PATJ: variants seen among roughly 807,000 people sequenced by gnomAD.
The protein encoded by PATJ is PATJ crumbs cell polarity complex component, also known as inaD-like protein.
A neutral mutation model predicts 224.9 loss-of-function variants in PATJ; 190 were observed. The ratio of observed to expected loss-of-function variants is 0.84; its 90% CI spans 0.75 to 0.95. The LOEUF is 0.95. Among genes scored for constraint, PATJ ranks in the 40% least tolerant of loss-of-function variants. The pLI is 0.00. For synonymous variants in PATJ, 769 were observed against 820.3 expected (o/e 0.94, Z 1.07); for missense variants, 2,121 against 2,270.3 (o/e 0.93, Z 1.34).
intron 7 of PATJ, among the ~76,000 whole-genome samples, chr1:61,787,074 A>G (rs538772144): frequency 1.3e-5 from 2 of 152,268 alleles, no homozygotes; most frequent in Admixed American, 1.3e-4. Flanking sequence ...AACACACCCA[A>G]GCTATTGTGG....
intron 43 of PATJ, among the ~76,000 whole-genome samples, chr1:62,160,115 G>A (rs1466895028): frequency 6.6e-6 from 1 of 151,966 alleles, no homozygotes; most frequent in Admixed American, 6.6e-5. Context: ...CCCTACAGAT[G>A]GTGAAACCTC....
At chr1:61,838,416 G>A (rs1375469922) in intron 17 of PATJ, among the ~76,000 whole-genome samples, 3 of 151,220 alleles carry the variant, frequency 2.0e-5, no homozygotes, top group Admixed American at 1.3e-4. Flanking sequence ...GTGCAGTGGC[G>A]CGATCTCAGC....
chr1:61,904,201 G>A (rs1011346389), intron 24 of PATJ, among the ~76,000 whole-genome samples: 2 of 151,940 alleles, frequency 1.3e-5, no homozygotes, highest in Non-Finnish European at 2.9e-5. Context: ...TAAGTGAGAC[G>A]AATTCACTTT....
chr1:62,115,246 G>A (rs147081651), intron 35 of PATJ, among the ~76,000 whole-genome samples: 1,799 of 152,196 alleles, frequency 0.012, 28 homozygotes, highest in African/African-American at 0.041. Flanking sequence ...GGAGGTGGAG[G>A]TTGCAGTGAG....
chr1:61,979,656 G>GAAAAAA (rs3060965), intron 27 of PATJ, among the ~76,000 whole-genome samples: 1 of 137,124 alleles, frequency 7.3e-6, no homozygotes, highest in Non-Finnish European at 1.6e-5. Context: ...CGTCTCAAAA[G>GAAAAAA]AAAAAAAAAA....
intron 41 of PATJ, among the ~76,000 whole-genome samples, chr1:62,130,928 G>C (rs954065820): frequency 2.0e-5 from 3 of 152,138 alleles, no homozygotes; most frequent in Non-Finnish European, 4.4e-5. Flanking sequence ...TAAGTCCAAA[G>C]TGTCCAGACA....
At chr1:61,941,684 T>C (rs949107509) in intron 27 of PATJ, among the ~76,000 whole-genome samples, 10 of 152,110 alleles carry the variant, frequency 6.6e-5, no homozygotes, top group Non-Finnish European at 1.5e-4. Flanking sequence ...AAAAGTTAAT[T>C]CTCTTAATAG....
At chr1:62,149,102 T>TG (rs953207696) in intron 42 of PATJ, among the ~76,000 whole-genome samples, 1 of 131,984 alleles carries the variant, frequency 7.6e-6, no homozygotes, top group Non-Finnish European at 1.6e-5. Flanking sequence ...CACTCCAGCC[T>TG]GGGCAACAAG....
In PATJ at chr1:62,081,277, T is replaced by C. The variant is rs182555378; in HGVS notation, c.4243+1710T>C. Among the ~76,000 whole-genome samples the C allele has an allele frequency of 1.4e-4, 22 of 152,260 alleles. 1 individual carries two copies. The highest frequency in any genetic ancestry group is 6.5e-4 in the Admixed American group (10 of 15,284). ...CATGGTTAAATAATAAATAAACAAA[T>C]AAATAAATAAATGAAGTTCATCATC... On this transcript the variant is annotated intron_variant, in intron 32 of 43. Transcript: ENST00000642238.
At chr1:62,099,347 CTTTTTTTTTT>C (rs71050197) in intron 33 of PATJ, among the ~76,000 whole-genome samples, 6 of 55,676 alleles carry the variant, frequency 1.1e-4, no homozygotes, top group Admixed American at 2.1e-4. Context: ...ATATCTCCAA[CTTTTTTTTTT>C]TTTTTTTTTT....
At chr1:62,126,945 G>C (rs1290496750) in intron 39 of PATJ, among the ~76,000 whole-genome samples, 2 of 152,134 alleles carry the variant, frequency 1.3e-5, no homozygotes, top group Non-Finnish European at 2.9e-5. Flanking sequence ...GACCAACACT[G>C]TCAGGTATGT....
chr1:62,148,276 T>A lies in PATJ; in HGVS notation c.5272-8T>A, dbSNP rs1304815534. 1 of 1,603,952 alleles carries A rather than the reference T, an allele frequency of 6.2e-7. No individual in the cohort carries two copies. The highest frequency in any genetic ancestry group is 8.5e-7 in the Non-Finnish European group (1 of 1,170,904). On this transcript the variant is annotated splice_polypyrimidine_tract_variant and splice_region_variant and intron_variant, in intron 41 of 43. Transcript: ENST00000642238. The stretch of plus-strand genomic sequence containing the variant: ...TAATGAAATACCTTTTTTTCACTTT[T>A]TCCCCAGGTTGTAGCAGATACCAAT...
At chr1:62,148,186 A>G (rs1668262114) in intron 41 of PATJ, 98 bp from the exon 42 acceptor site, 4 of 728,552 alleles carry the variant, frequency 5.5e-6, no homozygotes, top group South Asian at 1.7e-5. Flanking sequence ...GATAAATTGA[A>G]TAAGATTAGG....
At chr1:62,160,000 G>A (rs1418716612) in intron 43 of PATJ, among the ~76,000 whole-genome samples, 1 of 152,046 alleles carries the variant, frequency 6.6e-6, no homozygotes, top group East Asian at 1.9e-4. Context: ...TTCTGATTGA[G>A]TCGGTCGAGG....
At chr1:61,842,275 G>T (rs191971920) in intron 17 of PATJ, among the ~76,000 whole-genome samples, 60 of 152,272 alleles carry the variant, frequency 3.9e-4, no homozygotes, top group Admixed American at 1.1e-3. Flanking sequence ...GCTGCAGGGG[G>T]ATAAAGTTAG....
chr1:61,846,687 C>T (rs1283618797), intron 17 of PATJ, among the ~76,000 whole-genome samples: 2 of 152,162 alleles, frequency 1.3e-5, no homozygotes, highest in African/African-American at 4.8e-5. Context: ...ACCTGCACCT[C>T]CTGGGTTCAA....
chr1:61,991,896 C>A, intron 28 of PATJ: 1 of 203,738 alleles, frequency 4.9e-6, no homozygotes, highest in Non-Finnish European at 8.7e-6. Context: ...TCAGTTATTG[C>A]TAGCACTGTG....
chr1:61,788,265 T>G (rs1226316687), intron 8 of PATJ, among the ~76,000 whole-genome samples: 1 of 152,050 alleles, frequency 6.6e-6, no homozygotes, highest in Non-Finnish European at 1.5e-5. Flanking sequence ...ATCCAGGTGG[T>G]GGAGGGAAAA....
At chr1:62,002,853 G>A (rs980799754) in intron 28 of PATJ, among the ~76,000 whole-genome samples, 3 of 152,146 alleles carry the variant, frequency 2.0e-5, no homozygotes, top group Non-Finnish European at 4.4e-5. Flanking sequence ...TTGAAGGCAA[G>A]AGAAAAAGAT....
Sources: allele counts gnomAD v4.1 joint callset (sites outside exome capture counted in the v4.1 genomes callset), GRCh38; gene constraint gnomAD v4.1.1; transcripts MANE v1.5; gene names NCBI Gene and HGNC (gene_info 2026-07-23, HGNC 2026-07-21).